The following CPNE4 variants were observed in gnomAD, a reference collection of about 807,000 sequenced individuals.
CPNE4 encodes the protein copine 4.
In CPNE4, 25 loss-of-function variants were observed where a neutral mutation model predicts 67.9. That is an observed-to-expected ratio of 0.37 (90% CI 0.27 to 0.51). The LOEUF (loss-of-function observed/expected upper bound fraction) is 0.51, where lower values mean the gene tolerates loss of function less well. Ranked by LOEUF, CPNE4 falls within the 20% of genes least tolerant of loss-of-function variation. The probability of loss-of-function intolerance (pLI) is 0.93; values close to 1 mark genes in which losing one functional copy is unlikely to be tolerated. For missense variants in CPNE4, 464 were observed against 690.8 expected (o/e 0.67, Z 3.68); for synonymous variants, 242 against 244.9 (o/e 0.99, Z 0.11).
At chr3:131,708,522 A>G (rs1193557530) in intron 3 of CPNE4, among the ~76,000 whole-genome samples, 1 of 152,094 alleles carries the variant, frequency 6.6e-6, no homozygotes. Flanking sequence ...AAAGGGTGTG[A>G]GAGTGAGGCA....
chr3:131,725,210 G>A (rs1011833188), intron 2 of CPNE4, among the ~76,000 whole-genome samples: 1 of 152,170 alleles, frequency 6.6e-6, no homozygotes, highest in Non-Finnish European at 1.5e-5. Context: ...AAGAAAATCT[G>A]ATATTTGTTC....
intron 7 of CPNE4, among the ~76,000 whole-genome samples, chr3:131,648,338 A>G (rs563567967): frequency 4.6e-5 from 7 of 152,356 alleles, no homozygotes; most frequent in Admixed American, 4.6e-4. Context: ...GTGCCACAGC[A>G]CTTCAGCCTG....
intron 1 of CPNE4, among the ~76,000 whole-genome samples, chr3:131,929,196 CAA>C (rs57462900): frequency 0.08 from 7,959 of 99,054 alleles, 294 homozygotes; most frequent in East Asian, 0.14. Flanking sequence ...TTGTCCTCAC[CAA>C]AAAAAAAAAA....
chr3:131,918,712 A>T (rs1200821390), intron 1 of CPNE4, among the ~76,000 whole-genome samples: 1 of 152,230 alleles, frequency 6.6e-6, no homozygotes. Flanking sequence ...TTATAACATA[A>T]AACAGTTTTT....
At chr3:131,987,773 G>C (rs7617481) in intron 1 of CPNE4, among the ~76,000 whole-genome samples, 74,450 of 151,966 alleles carry the variant, frequency 0.49, 18,676 homozygotes, top group South Asian at 0.56. Flanking sequence ...TGTAGGTTCT[G>C]ATGGTCTAGA....
chr3:131,573,324 A>G (rs935852820), intron 10 of CPNE4, among the ~76,000 whole-genome samples: 4 of 151,998 alleles, frequency 2.6e-5, no homozygotes, highest in Non-Finnish European at 5.9e-5. Context: ...GGGAGCTGCA[A>G]CTGGGGTGTT....
chr3:132,014,686 T>A (rs1282537505), intron 1 of CPNE4, among the ~76,000 whole-genome samples: 2 of 152,204 alleles, frequency 1.3e-5, no homozygotes, highest in Non-Finnish European at 2.9e-5. Context: ...TTCCATGGTG[T>A]ATATAAGGAG....
upstream of CPNE4, among the ~76,000 whole-genome samples, chr3:132,035,902 C>T (rs558369906): frequency 6.6e-6 from 1 of 152,204 alleles, no homozygotes; most frequent in African/African-American, 2.4e-5. Flanking sequence ...GAAGGTCTTC[C>T]TTCTCACCCT....
chr3:132,035,168 C>G, upstream of CPNE4: 1 of 506,360 alleles, frequency 2.0e-6, no homozygotes, highest in Non-Finnish European at 2.6e-6. Context: ...GTGGTCCTGC[C>G]GCGCCCGCAG....
intron 2 of CPNE4, among the ~76,000 whole-genome samples, chr3:131,875,515 G>A (rs1283271817): frequency 6.6e-6 from 1 of 152,130 alleles, no homozygotes; most frequent in Non-Finnish European, 1.5e-5. Flanking sequence ...AAAATGATGA[G>A]TTCATGTCCT....
At chr3:131,593,130 T>A (rs1267475029) in intron 7 of CPNE4, among the ~76,000 whole-genome samples, 1 of 152,222 alleles carries the variant, frequency 6.6e-6, no homozygotes, top group Non-Finnish European at 1.5e-5. Context: ...TATAATCAGT[T>A]TACTTTAAAG....
Position 131,699,993 on chromosome 3 carries a change from AAACAAAAGGT to A in CPNE4, c.361-23_361-14del, listed in dbSNP as rs749301635. The A allele has an allele frequency of 1.2e-6, 2 of 1,607,748 alleles. No homozygotes were observed. The highest frequency in any genetic ancestry group is 2.2e-5 in the East Asian group (1 of 44,760). Reference sequence around the variant, plus strand: ...TCTGGGAAACAATCTGCAAAAAAGGAAACAAAAGGTAACAAAAGGTAGAGATACTAGTCAT... The same window carrying A: ...TCTGGGAAACAATCTGCAAAAAAGGAAACAAAAGGTAGAGATACTAGTCAT... On this transcript the variant is annotated splice_polypyrimidine_tract_variant and intron_variant, in intron 3 of 15. Coordinates refer to ENST00000429747, the MANE Select transcript of CPNE4 (RefSeq NM_130808.3).
intron 2 of CPNE4, among the ~76,000 whole-genome samples, chr3:131,770,304 C>A (rs941144234): frequency 3.4e-4 from 52 of 152,244 alleles, no homozygotes; most frequent in African/African-American, 1.3e-3. Flanking sequence ...AGAAGACAAC[C>A]AACAATAACC....
At chr3:131,906,241 GTTTTTGTT>G (rs2088752746) in intron 1 of CPNE4, among the ~76,000 whole-genome samples, 1 of 150,820 alleles carries the variant, frequency 6.6e-6, no homozygotes, top group East Asian at 1.9e-4. Context: ...GTTTTATTTT[GTTTTTGTT>G]TTTTTGTTTT....
At chr3:132,023,479 CTTTTTTTTTTT>C (rs575505348) in intron 1 of CPNE4, among the ~76,000 whole-genome samples, 1 of 84,596 alleles carries the variant, frequency 1.2e-5, no homozygotes, top group Non-Finnish European at 2.1e-5. Context: ...GCAGATCAGC[CTTTTTTTTTTT>C]TTTTTTTTTT....
chr3:131,830,224 T>C (rs1004391965), intron 2 of CPNE4, among the ~76,000 whole-genome samples: 4 of 152,278 alleles, frequency 2.6e-5, no homozygotes, highest in African/African-American at 9.6e-5. Flanking sequence ...CATCCAGAAA[T>C]TGTTTATCTA....
intron 2 of CPNE4, among the ~76,000 whole-genome samples, chr3:131,774,190 A>T (rs1388526813): frequency 6.6e-6 from 1 of 152,112 alleles, no homozygotes; most frequent in Non-Finnish European, 1.5e-5. Flanking sequence ...CTACCCAGAG[A>T]TGAACCATGA....
In CPNE4 at chr3:131,854,796, CCCT is replaced by C. The variant is rs1014908960; in HGVS notation, c.180+50465_180+50467del. Among the ~76,000 whole-genome samples the C allele has an allele frequency of 8.6e-4, 130 of 151,078 alleles. 1 individual carries two copies. The highest frequency in any genetic ancestry group is 1.7e-3 in the Non-Finnish European group (113 of 67,606). Reference sequence around the variant, plus strand: ...CCCTCTCCTCTTTCATTACTCCCCACCCTCCTCCTCCTCCTCCTTCTCTCCCTC... The same window carrying C: ...CCCTCTCCTCTTTCATTACTCCCCACCCTCCTCCTCCTCCTTCTCTCCCTC... On this transcript the variant is annotated intron_variant, in intron 2 of 15. Coordinates refer to ENST00000429747, the MANE Select transcript of CPNE4 (RefSeq NM_130808.3).
intron 1 of CPNE4, among the ~76,000 whole-genome samples, chr3:131,931,841 A>G (rs1371274666): frequency 6.6e-6 from 1 of 152,188 alleles, no homozygotes; most frequent in African/African-American, 2.4e-5. Flanking sequence ...TACTTGTACA[A>G]TAAAGGTTTG....
Sources: allele counts gnomAD v4.1 joint callset (sites outside exome capture counted in the v4.1 genomes callset), GRCh38; gene constraint gnomAD v4.1.1; transcripts MANE v1.5; gene names NCBI Gene and HGNC (gene_info 2026-07-23, HGNC 2026-07-21).